Variants in UNK observed in about 807,000 individuals in gnomAD.
The protein encoded by UNK is RING finger protein unkempt homolog.
In UNK, 32 loss-of-function variants were observed where a neutral mutation model predicts 97.6. That is an observed-to-expected ratio of 0.33 (90% CI 0.25 to 0.44). The LOEUF (loss-of-function observed/expected upper bound fraction) is 0.44, where lower values mean the gene tolerates loss of function less well. Among genes scored for constraint, UNK ranks in the 20% least tolerant of loss-of-function variants. The pLI, the probability that UNK is intolerant of heterozygous loss-of-function variation, is 1.00. For synonymous variants in UNK, 441 were observed against 461.2 expected (o/e 0.96, Z 0.56); for missense variants, 771 against 1,098.4 (o/e 0.70, Z 4.21).
chr17:75,795,405 T>A (rs1454609916), intron 1 of UNK, among the ~76,000 whole-genome samples: 1 of 152,038 alleles, frequency 6.6e-6, no homozygotes, highest in East Asian at 1.9e-4. Context: ...AGTGGTGTGA[T>A]CTCCGCTCAC....
rs543378121 is a variant in UNK at position 75,824,561 on chromosome 17, T to C, written c.*144T>C. 1.5e-5 allele frequency: 9 copies of C among 608,356 alleles called. No individual in the cohort carries two copies. In the East Asian group the frequency reaches 2.9e-4, roughly 19 times the overall value. 37.7% of individuals were successfully genotyped at this position (608,356 alleles called of 1,614,324 possible). On this transcript the variant is annotated 3_prime_UTR_variant, in exon 16 of 16. Coordinates refer to ENST00000589666, the MANE Select transcript of UNK (RefSeq NM_001080419.3). The surrounding 1 kb of genome is among the most constrained non-coding windows in gnomAD (Gnocchi z 4.9). ...GTATATGTATACATTTCCGTATGTA[T>C]GTATATGTATACATTTCCGTATGTG...
In UNK at chr17:75,822,569, G is replaced by A. The variant is rs765065246; in HGVS notation, c.1930G>A (p.Ala644Thr). 1.2e-6 allele frequency: 2 copies of A among 1,613,522 alleles called. No individual in the cohort carries two copies. The highest frequency in any genetic ancestry group is 1.7e-6 in the Non-Finnish European group (2 of 1,179,834). ...TSPAFLSGPG[A>T]AELARLRQEL... Reference sequence around the variant, plus strand: ...CCCCGCTTTCCTATCAGGGCCAGGGGCTGCCGAGCTGGCCCGACTTCGGCA... The same window carrying A: ...CCCCGCTTTCCTATCAGGGCCAGGGACTGCCGAGCTGGCCCGACTTCGGCA... Residue 644 changes from alanine to threonine, a missense_variant, in exon 14 of 16, where the codon GCT (alanine) becomes ACT (threonine). Ala to Thr is a moderately conservative substitution (Grantham distance 58). This residue lies in a region of UNK where 208 missense variants were observed against 257.4 expected (regional missense o/e 0.81). Transcript: ENST00000589666.
chr17:75,822,684 T>C, intron 14 of UNK, 26 bp downstream of exon 14: 2 of 1,569,346 alleles, frequency 1.3e-6, no homozygotes, highest in Non-Finnish European at 1.7e-6. Context: ...CCTGCCGGCC[T>C]TCCCCAGTGC....
chr17:75,784,825 G>T lies in UNK; in HGVS notation c.-56G>T. 6.4e-7 allele frequency: 1 copy of T among 1,572,974 alleles called. No individual in the cohort carries two copies. The highest frequency in any genetic ancestry group is 1.1e-5 in the South Asian group (1 of 90,070). ...GCAGGCGCACTGGGTCCTCGGCGCG[G>T]ACCGCGCAGACTGAATAATAAAAGG... is the stretch of plus-strand genomic sequence containing the variant. On this transcript the variant is annotated 5_prime_UTR_variant, in exon 1 of 16. Transcript: ENST00000589666.
At chr17:75,795,295 T>C (rs1296072752) in intron 1 of UNK, among the ~76,000 whole-genome samples, 1 of 152,148 alleles carries the variant, frequency 6.6e-6, no homozygotes, top group East Asian at 1.9e-4. Flanking sequence ...TCAGGTTAGC[T>C]ATGTACAGAA....
In UNK at chr17:75,819,437, A is replaced by G. The variant is rs1214828009; in HGVS notation, c.1547-247A>G. The G allele has an allele frequency of 1.8e-6, 1 of 543,438 alleles. No homozygotes were observed. Among genetic ancestry groups the G allele is most frequent in the Non-Finnish European group, 3.3e-6 (1 of 302,626 alleles). The allele number at this position is 543,438 out of a possible 1,614,324, so 33.7% of individuals were successfully genotyped here. ...GGCAGGGACCCTGGATGGGGATGTG[A>G]TTTCTCCTGGAAGTATCAAAGAAGA... On this transcript the variant is annotated intron_variant, in intron 11 of 15. Transcript: ENST00000589666. This position sits in a 1 kb window ranked among gnomAD's most constrained non-coding sequence, Gnocchi z 5.4.
At position 75,784,852 on chromosome 17, in the gene UNK, G is replaced by T; in HGVS notation, c.-29G>T. On this transcript the variant is annotated 5_prime_UTR_variant, in exon 1 of 16. Transcript: ENST00000589666. ...CCGCGCAGACTGAATAATAAAAGGG[G>T]AGCGGCGAAGAGGCAGGAAGACAAG... 6.2e-7 allele frequency: 1 copy of T among 1,600,138 alleles called. No individual in the cohort carries two copies. Among genetic ancestry groups the T allele is most frequent in the Non-Finnish European group, 8.5e-7 (1 of 1,171,088 alleles).
chr17:75,794,633 C>T (rs1162772630), intron 1 of UNK, among the ~76,000 whole-genome samples: 4 of 143,360 alleles, frequency 2.8e-5, no homozygotes, highest in Non-Finnish European at 4.5e-5. Flanking sequence ...AGTGAAACTC[C>T]GTCTCAAAAA....
Position 75,824,491 on chromosome 17 carries a change from T to C in UNK, c.*74T>C. 21 of 536,626 alleles carry C rather than the reference T, an allele frequency of 3.9e-5. No individual in the cohort carries two copies. Among genetic ancestry groups the C allele is most frequent in the Middle Eastern group, 7.6e-4 (1 of 1,324 alleles). The allele number at this position is 536,626 out of a possible 1,614,324, so 33.2% of individuals were successfully genotyped here. A position where few individuals can be genotyped will look rare whatever the true frequency, so the allele number is the denominator to read the frequency against. ...TTTAAAGTATATATATATATATGAA[T>C]ATATATATATATGTGTATGTATGTA... On this transcript the variant is annotated 3_prime_UTR_variant, in exon 16 of 16. Coordinates refer to ENST00000589666, the MANE Select transcript of UNK (RefSeq NM_001080419.3). The surrounding 1 kb of genome is among the most constrained non-coding windows in gnomAD (Gnocchi z 4.9).
intron 1 of UNK, among the ~76,000 whole-genome samples, chr17:75,788,882 C>T (rs2061737593): frequency 6.6e-6 from 1 of 152,212 alleles, no homozygotes; most frequent in Admixed American, 6.5e-5. Flanking sequence ...ATGCTGTAGT[C>T]TTTGCAATAA....
rs764351518 is a variant in UNK, at chr17:75,820,001, C to G, written c.1730C>G (p.Pro577Arg). 6.2e-7 allele frequency: 1 copy of G among 1,613,856 alleles called. No individual in the cohort carries two copies. The highest frequency in any genetic ancestry group is 8.5e-7 in the Non-Finnish European group (1 of 1,179,876). ...GSSASFHSAS[P>R]SPPVSLSSHF... The stretch of plus-strand genomic sequence containing the variant: ...TCTGCCTCCTTCCACTCAGCATCCC[C>G]GTCCCCTCCCGTCAGCCTCTCCTCG... Residue 577 changes from proline to arginine, a missense_variant, in exon 13 of 16, where the codon CCG becomes CGG. This residue lies in a region of UNK where 91 missense variants were observed against 173.1 expected (regional missense o/e 0.53). Coordinates refer to ENST00000589666, the MANE Select transcript of UNK (RefSeq NM_001080419.3).
chr17:75,822,560 G>C lies in UNK; in HGVS notation c.1921G>C (p.Gly641Arg). The C allele has an allele frequency of 6.2e-7, 1 of 1,613,538 alleles. No homozygotes were observed. Residue 641 changes from glycine (G) to arginine (R), a missense_variant, in exon 14 of 16, where the codon GGG (glycine) becomes CGG (arginine). Coordinates refer to ENST00000589666, the MANE Select transcript of UNK (RefSeq NM_001080419.3). The stretch of plus-strand genomic sequence containing the variant: ...GGGCACTTCCCCCGCTTTCCTATCA[G>C]GGCCAGGGGCTGCCGAGCTGGCCCG... ...SPGTSPAFLSGPGAAELARLR... is the reference protein window; with the variant it reads ...SPGTSPAFLSRPGAAELARLR...
Position 75,812,599 on chromosome 17 carries a change from C to T in UNK, c.622+14C>T, listed in dbSNP as rs1343265857. The T allele has an allele frequency of 6.2e-7, 1 of 1,610,974 alleles. No homozygotes were observed. The highest frequency in any genetic ancestry group is 2.2e-5 in the East Asian group (1 of 44,852). On this transcript the variant is annotated intron_variant, in intron 4 of 15. Transcript: ENST00000589666. ...CTCGGTGGCAAGGTACAGGCATCCA[C>T]ACCTCGGCCGCGCCCTCCCTATAAT... is the stretch of plus-strand genomic sequence containing the variant.
At position 75,825,678 on chromosome 17, in the gene UNK, C is replaced by G. The variant is rs1281274055; in HGVS notation, c.*1261C>G. ...TGAGAGGGTCTGGTCCTGGCCCAGG[C>G]TCCCCCTTGGGCTCAGCACGAAAGG... On this transcript the variant is annotated 3_prime_UTR_variant, in exon 16 of 16. Coordinates refer to ENST00000589666, the MANE Select transcript of UNK (RefSeq NM_001080419.3). This position sits in a 1 kb window ranked among gnomAD's most constrained non-coding sequence, Gnocchi z 4.4. The G allele has an allele frequency of 6.6e-6, 1 of 152,262 alleles. No individual in the cohort carries two copies. The highest frequency in any genetic ancestry group is 1.5e-5 in the Non-Finnish European group (1 of 68,042). The allele number at this position is 152,262 out of a possible 1,614,324, so 9.4% of individuals were successfully genotyped here.
intron 13 of UNK, chr17:75,821,632 G>C (rs964135018): frequency 2.2e-6 from 1 of 456,692 alleles, no homozygotes; most frequent in Non-Finnish European, 4.4e-6. Context: ...CTTAAATCTG[G>C]TTCTGGAACA....
At chr17:75,798,143 T>G (rs2061823725) in intron 1 of UNK, among the ~76,000 whole-genome samples, 1 of 150,290 alleles carries the variant, frequency 6.7e-6, no homozygotes, top group Non-Finnish European at 1.5e-5. Flanking sequence ...CGATTTCGGC[T>G]CACTGCAATC....
In UNK at chr17:75,785,470, G is replaced by T. The variant is rs2061700614; in HGVS notation, c.104+486G>T. 2.0e-5 allele frequency: 3 copies of T among 153,310 alleles called. 1 individual carries two copies. The highest frequency in any genetic ancestry group is 7.2e-5 in the African/African-American group (3 of 41,462). The allele number at this position is 153,310 out of a possible 1,614,324, so 9.5% of individuals were successfully genotyped here. ...TCCCTAAGGCTCGTAGGTTGTCCACGAGGGCCACACTTGCTTGAATTCACA... is the reference window on the plus strand; with the variant it reads ...TCCCTAAGGCTCGTAGGTTGTCCACTAGGGCCACACTTGCTTGAATTCACA... On this transcript the variant is annotated intron_variant, in intron 1 of 15. Coordinates refer to ENST00000589666, the MANE Select transcript of UNK (RefSeq NM_001080419.3).
intron 1 of UNK, among the ~76,000 whole-genome samples, chr17:75,806,726 T>C (rs1323922025): frequency 6.6e-6 from 1 of 152,092 alleles, no homozygotes; most frequent in East Asian, 1.9e-4. Context: ...TGAGCTGAGA[T>C]TGCGCCACTG....
intron 1 of UNK, among the ~76,000 whole-genome samples, chr17:75,803,197 G>C (rs1441328647): frequency 6.6e-6 from 1 of 152,202 alleles, no homozygotes; most frequent in Admixed American, 6.5e-5. Context: ...AGGAGATCAA[G>C]ACCATCGATC....
Sources: gnomAD v4.1 joint callset for allele counts (sites outside exome capture counted in the v4.1 genomes callset) on GRCh38, gnomAD v4.1.1 for gene constraint, gnomAD v4.1.1 regional missense constraint, Gnocchi (gnomAD v3.1) non-coding constraint, MANE v1.5 for transcripts, NCBI Gene and HGNC (gene_info 2026-07-23, HGNC 2026-07-21) for gene names.